LRFN5: variants seen among roughly 807,000 people sequenced by gnomAD.
LRFN5 encodes the protein leucine-rich repeat and fibronectin type-III domain-containing protein 5.
Under a neutral mutation model 45.6 loss-of-function variants are expected in LRFN5, and 24 were observed. The observed-to-expected ratio is 0.53, with a 90% confidence interval of 0.38 to 0.74. The LOEUF (loss-of-function observed/expected upper bound fraction) is 0.74. Ranked by LOEUF, LRFN5 falls within the 30% of genes least tolerant of loss-of-function variation. The pLI is 0.00. For missense variants in LRFN5, 776 were observed against 861.5 expected (o/e 0.90, Z 1.24); for synonymous variants, 340 against 313.8 (o/e 1.08, Z -0.88).
chr14:41,732,175 T>G (rs1884207814), intron 1 of LRFN5, among the ~76,000 whole-genome samples: 1 of 152,112 alleles, frequency 6.6e-6, no homozygotes, highest in Non-Finnish European at 1.5e-5. Flanking sequence ...GTGTACATGT[T>G]CCTAGAGCAG....
chr14:41,617,771 G>A (rs1830994696), intron 1 of LRFN5, among the ~76,000 whole-genome samples: 1 of 152,118 alleles, frequency 6.6e-6, no homozygotes, highest in South Asian at 2.1e-4. Context: ...CTGCAGGAGG[G>A]ACTGACATGC....
chr14:41,802,384 G>GA (rs1887365470), intron 2 of LRFN5, among the ~76,000 whole-genome samples: 2 of 152,090 alleles, frequency 1.3e-5, no homozygotes, highest in African/African-American at 4.8e-5. Context: ...CTTGCTGAAG[G>GA]CAGGCCAGGG....
intron 2 of LRFN5, among the ~76,000 whole-genome samples, chr14:41,781,590 A>AAGAAAGAAAG (rs1886503351): frequency 9.7e-6 from 1 of 103,584 alleles, no homozygotes; most frequent in Non-Finnish European, 2.0e-5. Context: ...GAAAGAAAGA[A>AAGAAAGAAAG]AGAAAGAAAG....
chr14:41,666,497 G>T (rs1177326282), intron 1 of LRFN5, among the ~76,000 whole-genome samples: 1 of 151,974 alleles, frequency 6.6e-6, no homozygotes, highest in African/African-American at 2.4e-5. Context: ...CTGCTAAATG[G>T]CAAAATGATT....
At chr14:41,740,549 A>T (rs1053606354) in intron 1 of LRFN5, among the ~76,000 whole-genome samples, 7 of 152,048 alleles carry the variant, frequency 4.6e-5, no homozygotes, top group African/African-American at 1.7e-4. Flanking sequence ...GAAATAATGT[A>T]CCTGAACATA....
intron 1 of LRFN5, among the ~76,000 whole-genome samples, chr14:41,744,524 A>C (rs1884838892): frequency 6.6e-6 from 1 of 152,254 alleles, no homozygotes; most frequent in Admixed American, 6.5e-5. Context: ...TAAGTCCCAC[A>C]TTATCAGTAA....
At chr14:41,816,123 G>A (rs862546) in intron 2 of LRFN5, among the ~76,000 whole-genome samples, 17 of 151,166 alleles carry the variant, frequency 1.1e-4, no homozygotes, top group Non-Finnish European at 1.5e-4. Context: ...CCCTTCCTCC[G>A]TCTCCCCCAT....
intron 1 of LRFN5, among the ~76,000 whole-genome samples, chr14:41,624,542 G>T (rs1285123653): frequency 1.3e-5 from 2 of 151,980 alleles, no homozygotes; most frequent in Non-Finnish European, 1.5e-5. Context: ...GATTCTGCAG[G>T]GAATCTGAAA....
chr14:41,721,802 T>C (rs1374169920), intron 1 of LRFN5, among the ~76,000 whole-genome samples: 1 of 152,174 alleles, frequency 6.6e-6, no homozygotes, highest in East Asian at 1.9e-4. Flanking sequence ...TTTTAGATTT[T>C]TTCTTCAGGG....
intron 2 of LRFN5, among the ~76,000 whole-genome samples, chr14:41,784,892 G>A (rs1886663662): frequency 6.6e-6 from 1 of 152,116 alleles, no homozygotes; most frequent in Non-Finnish European, 1.5e-5. Context: ...TTCTCCCAAA[G>A]TGCTGGGATT....
rs528212512 is a variant in LRFN5, at chr14:41,711,769, T to C, written c.-196-55085T>C. On this transcript the variant is annotated intron_variant, in intron 1 of 5. Coordinates refer to ENST00000298119, the MANE Select transcript of LRFN5 (RefSeq NM_152447.5). ...CATCTGAAAACATAAAAAAACGCAT[T>C]ATGAATAAGACAATACAACCAAGAA... Among the ~76,000 whole-genome samples, 32 of 151,926 alleles carry C rather than the reference T, an allele frequency of 2.1e-4. 2 individuals are homozygous for C. The South Asian group carries it at 6.2e-3, about 30-fold the overall frequency.
At chr14:41,730,306 C>T (rs555248506) in intron 1 of LRFN5, among the ~76,000 whole-genome samples, 65 of 152,126 alleles carry the variant, frequency 4.3e-4, no homozygotes, top group Middle Eastern at 3.4e-3. Flanking sequence ...ATCACCCCTA[C>T]AGTAAATATT....
intron 2 of LRFN5, among the ~76,000 whole-genome samples, chr14:41,845,227 AT>A (rs1211497825): frequency 6.6e-6 from 1 of 152,138 alleles, no homozygotes; most frequent in African/African-American, 2.4e-5. Flanking sequence ...ATATTTTGAA[AT>A]ACTATTTAAA....
intron 1 of LRFN5, among the ~76,000 whole-genome samples, chr14:41,705,159 A>G (rs991145549): frequency 3.3e-5 from 5 of 151,248 alleles, no homozygotes; most frequent in Non-Finnish European, 5.9e-5. Flanking sequence ...AATGAGCCTC[A>G]AAATCTATTT....
At chr14:41,738,639 G>C (rs561409833) in intron 1 of LRFN5, among the ~76,000 whole-genome samples, 3 of 152,176 alleles carry the variant, frequency 2.0e-5, no homozygotes, top group Middle Eastern at 3.4e-3. Flanking sequence ...AAAATCCAGT[G>C]ACAGTCTTTT....
intron 1 of LRFN5, among the ~76,000 whole-genome samples, chr14:41,697,073 G>A (rs532824671): frequency 2.6e-5 from 4 of 151,928 alleles, no homozygotes; most frequent in Admixed American, 2.6e-4. Context: ...TTTGGTATGA[G>A]AGTTATGATA....
intron 1 of LRFN5, among the ~76,000 whole-genome samples, chr14:41,674,371 C>T (rs1329888480): frequency 4.4e-5 from 6 of 137,300 alleles, no homozygotes; most frequent in East Asian, 2.3e-4. Context: ...GCTGGCCGGG[C>T]GGGGGGCTGA....
intron 3 of LRFN5, among the ~76,000 whole-genome samples, chr14:41,890,729 A>T: frequency 6.6e-6 from 1 of 151,914 alleles, no homozygotes; most frequent in South Asian, 2.1e-4. Context: ...AAAAACTTTA[A>T]TCTTAGTAAT....
intron 2 of LRFN5, among the ~76,000 whole-genome samples, chr14:41,827,231 A>G (rs904886814): frequency 6.6e-6 from 1 of 152,116 alleles, no homozygotes; most frequent in African/African-American, 2.4e-5. Flanking sequence ...TCTTTTTTAT[A>G]TCAACCTACT....
Sources: allele counts gnomAD v4.1 joint callset (sites outside exome capture counted in the v4.1 genomes callset), GRCh38; gene constraint gnomAD v4.1.1; transcripts MANE v1.5; gene names NCBI Gene and HGNC (gene_info 2026-07-23, HGNC 2026-07-21).